GRM7: variants seen among roughly 807,000 people sequenced by gnomAD.
GRM7 encodes metabotropic glutamate receptor 7.
In GRM7, 35 loss-of-function variants were observed where a neutral mutation model predicts 84.5. The observed-to-expected ratio is 0.41, with a 90% CI of 0.32 to 0.55. The LOEUF is 0.55. Ranked by LOEUF, GRM7 falls within the 20% of genes least tolerant of loss-of-function variation. The pLI is 0.19. For synonymous variants in GRM7, 487 were observed against 455.1 expected, an observed-to-expected ratio of 1.07 and a Z score of -0.89; for missense variants, 1,003 against 1,194.6, an observed-to-expected ratio of 0.84 and a Z score of 2.36.
chr3:7,295,749 G>A (rs954492956), intron 2 of GRM7, among the ~76,000 whole-genome samples: 3 of 151,850 alleles, frequency 2.0e-5, no homozygotes, highest in Non-Finnish European at 2.9e-5. Context: ...TCCTATGATC[G>A]ACTATTGTTT....
chr3:7,547,044 T>C (rs1693186465), intron 7 of GRM7, among the ~76,000 whole-genome samples: 1 of 152,034 alleles, frequency 6.6e-6, no homozygotes, highest in Admixed American at 6.5e-5. Context: ...ATCTGAATCC[T>C]ACAGAACCCC....
At chr3:6,977,765 C>CATG (rs1694055650) in intron 1 of GRM7, among the ~76,000 whole-genome samples, 1 of 152,132 alleles carries the variant, frequency 6.6e-6, no homozygotes, top group Admixed American at 6.5e-5. Flanking sequence ...TTGGGCTTAA[C>CATG]ATGACTTCAG....
chr3:7,402,634 G>T (rs571980159), intron 4 of GRM7, among the ~76,000 whole-genome samples: 1 of 152,126 alleles, frequency 6.6e-6, no homozygotes, highest in Non-Finnish European at 1.5e-5. Flanking sequence ...GAAAATACCT[G>T]CATATAAAAG....
At chr3:7,130,647 T>C (rs1474309135) in intron 1 of GRM7, among the ~76,000 whole-genome samples, 1 of 151,846 alleles carries the variant, frequency 6.6e-6, no homozygotes, top group African/African-American at 2.4e-5. Flanking sequence ...AAAATACAGC[T>C]AGTGGTGTTG....
intron 1 of GRM7, among the ~76,000 whole-genome samples, chr3:6,977,379 G>A (rs958152023): frequency 5.9e-5 from 9 of 152,096 alleles, no homozygotes; most frequent in African/African-American, 2.2e-4. Flanking sequence ...GTGTGTGTGT[G>A]TCTGTGTGCG....
At chr3:6,912,399 C>T (rs1358227764) in intron 1 of GRM7, among the ~76,000 whole-genome samples, 3 of 152,090 alleles carry the variant, frequency 2.0e-5, no homozygotes, top group Non-Finnish European at 4.4e-5. Context: ...TTGTTTCTAG[C>T]AACTTTGGGA....
At chr3:6,871,161 A>G (rs1251207061) in intron 1 of GRM7, among the ~76,000 whole-genome samples, 2 of 152,188 alleles carry the variant, frequency 1.3e-5, no homozygotes, top group Non-Finnish European at 2.9e-5. Context: ...TTGTGACACA[A>G]TTATTCTGGT....
chr3:7,450,821 A>C (rs115062276), intron 5 of GRM7, among the ~76,000 whole-genome samples: 1,682 of 152,270 alleles, frequency 0.011, 29 homozygotes, highest in African/African-American at 0.039. Context: ...TATAAAACAC[A>C]ACTCTCTGGC....
chr3:7,642,828 A>T (rs1698425131), intron 8 of GRM7, among the ~76,000 whole-genome samples: 1 of 152,184 alleles, frequency 6.6e-6, no homozygotes, highest in African/African-American at 2.4e-5. Context: ...TCTGTTTCTC[A>T]TGTATGAGAA....
chr3:6,963,198 G>T (rs796910024), intron 1 of GRM7, among the ~76,000 whole-genome samples: 4 of 152,300 alleles, frequency 2.6e-5, no homozygotes, highest in African/African-American at 9.6e-5. Context: ...CTGCAATTTT[G>T]CCAGGAGAGA....
intron 5 of GRM7, among the ~76,000 whole-genome samples, chr3:7,424,989 A>G (rs1696545178): frequency 1.3e-5 from 2 of 152,122 alleles, no homozygotes; most frequent in South Asian, 4.1e-4. Flanking sequence ...GATCAACCCA[A>G]TGGTACATAG....
rs1696624536 is a variant in GRM7, at chr3:7,041,770, A to T, written c.520-104682A>T. Among the ~76,000 whole-genome samples the T allele has an allele frequency of 2.0e-5, 3 of 152,208 alleles. 1 individual carries two copies. In the South Asian group the frequency reaches 6.2e-4, roughly 31 times the overall value. ...TTTTGGAATGCTAATGTGTTGACTG[A>T]TGGGTGGCAGCCCCTAGGTAGATTG... On this transcript the variant is annotated intron_variant, in intron 1 of 9. Transcript: ENST00000357716.
chr3:7,597,590 T>C (rs1696110316), intron 8 of GRM7, among the ~76,000 whole-genome samples: 2 of 152,228 alleles, frequency 1.3e-5, no homozygotes, highest in East Asian at 1.9e-4. Flanking sequence ...CCTGGGGTCA[T>C]TGTGCACGTG....
rs1026245372 is a variant in GRM7, at chr3:7,510,362, G to A, written c.1515+48640G>A. 5.9e-5 allele frequency among the ~76,000 whole-genome samples: 9 copies of A among 152,182 alleles called. No individual in the cohort carries two copies. The East Asian group carries it at 9.7e-4, about 16-fold the overall frequency. On this transcript the variant is annotated intron_variant, in intron 7 of 9. Transcript: ENST00000357716. ...CATCAGGATTGTCTGTGCCTGTTGCGGAGAAAGCTCCCTCAGGAAGGCAGG... is the reference window on the plus strand; with the variant it reads ...CATCAGGATTGTCTGTGCCTGTTGCAGAGAAAGCTCCCTCAGGAAGGCAGG...
rs1290971059 is a variant in GRM7 at position 7,216,515 on chromosome 3, G to A, written c.736+69847G>A. On this transcript the variant is annotated intron_variant, in intron 2 of 9. Transcript: ENST00000357716. The stretch of plus-strand genomic sequence containing the variant: ...GTGATTTGACATCAGCTGAAGATAT[G>A]AGATTTTATATAACCCATAACAATT... Among the ~76,000 whole-genome samples, 10 of 152,246 alleles carry A rather than the reference G, an allele frequency of 6.6e-5. No individual in the cohort carries two copies. The East Asian group carries it at 1.9e-3, about 29-fold the overall frequency.
At chr3:7,521,134 A>G (rs111681684) in intron 7 of GRM7, among the ~76,000 whole-genome samples, 2 of 152,270 alleles carry the variant, frequency 1.3e-5, no homozygotes, top group African/African-American at 4.8e-5. Flanking sequence ...TTGAATGACT[A>G]AGTGTATATT....
At chr3:7,634,133 C>A (rs1049336596) in intron 8 of GRM7, among the ~76,000 whole-genome samples, 2 of 152,122 alleles carry the variant, frequency 1.3e-5, no homozygotes, top group African/African-American at 4.8e-5. Context: ...CCCTTCTTTC[C>A]ATGCTCAGAA....
intron 8 of GRM7, among the ~76,000 whole-genome samples, chr3:7,646,190 T>C (rs1357845009): frequency 1.3e-5 from 2 of 151,716 alleles, no homozygotes; most frequent in African/African-American, 4.8e-5. Context: ...TTATTATTGT[T>C]ATTATTATTA....
At chr3:7,351,524 G>T (rs1338738080) in intron 4 of GRM7, among the ~76,000 whole-genome samples, 1 of 151,918 alleles carries the variant, frequency 6.6e-6, no homozygotes, top group Non-Finnish European at 1.5e-5. Context: ...TTGCTTCTGG[G>T]TATGTCTGTG....
Sources: allele counts gnomAD v4.1 joint callset (sites outside exome capture counted in the v4.1 genomes callset), GRCh38; gene constraint gnomAD v4.1.1; transcripts MANE v1.5; gene names NCBI Gene and HGNC (gene_info 2026-07-23, HGNC 2026-07-21).